Variants in SBNO2 observed in about 807,000 individuals in gnomAD.
The protein encoded by SBNO2 is strawberry notch homolog 2.
Under a neutral mutation model 146.3 loss-of-function variants are expected in SBNO2, and 89 were observed. The observed-to-expected ratio is 0.61, with a 90% CI of 0.51 to 0.73. The LOEUF is 0.73. Ranked by LOEUF, SBNO2 falls within the 30% of genes least tolerant of loss-of-function variation. SBNO2 has a pLI of 0.00. For missense variants in SBNO2, 2,092 were observed against 2,003.7 expected, an observed-to-expected ratio of 1.04 and a Z score of -0.84; for synonymous variants, 1,147 against 892.6, an observed-to-expected ratio of 1.29 and a Z score of -5.08.
intron 4 of SBNO2, chr19:1,132,230 C>T: frequency 3.1e-6 from 4 of 1,305,676 alleles, no homozygotes; most frequent in South Asian, 4.2e-5. Flanking sequence ...TTGGGTCGGC[C>T]GGGGCGGACG....
In SBNO2 at chr19:1,108,593, G is replaced by A; in HGVS notation, c.3728C>T (p.Ala1243Val). Residue 1243 changes from alanine to valine, a missense_variant, in exon 32 of 32, where the codon GCC (alanine) becomes GTC (valine). Coordinates refer to ENST00000361757, the MANE Select transcript of SBNO2 (RefSeq NM_014963.3). Reference protein sequence around the residue: ...APALGCPAPPAPRPLALPCGP... With the variant: ...APALGCPAPPVPRPLALPCGP... ...GCAAGGCAGCGCCAGCGGGCGCGGG[G>A]CGGGCGGGGCGGGGCAGCCCAGGGC... 7.6e-7 allele frequency: 1 copy of A among 1,308,152 alleles called. No homozygotes were observed. The highest frequency in any genetic ancestry group is 9.7e-7 in the Non-Finnish European group (1 of 1,033,916). 81.0% of individuals were successfully genotyped at this position (1,308,152 alleles called of 1,614,324 possible).
chr19:1,111,970 C>G, intron 23 of SBNO2, 26 bp downstream of exon 23: 1 of 1,604,988 alleles, frequency 6.2e-7, no homozygotes, highest in South Asian at 1.1e-5. Flanking sequence ...CTGCCCCGCC[C>G]CCCAACCCTG....
In SBNO2 at chr19:1,112,557, C is replaced by T; in HGVS notation, c.2380-20G>A. ...CACGAGCTAGGGGGAAAGAAGGGGCCGGGACACGGTTGGTGCAAGGCCCGC... is the reference window on the plus strand; with the variant it reads ...CACGAGCTAGGGGGAAAGAAGGGGCTGGGACACGGTTGGTGCAAGGCCCGC... On this transcript the variant is annotated intron_variant, in intron 20 of 31. Transcript: ENST00000361757. The surrounding 1 kb of genome is among the most constrained non-coding windows in gnomAD (Gnocchi z 5.9). 1.3e-6 allele frequency: 2 copies of T among 1,585,314 alleles called. No homozygotes were observed. Among genetic ancestry groups the T allele is most frequent in the Non-Finnish European group, 1.7e-6 (2 of 1,171,770 alleles).
Position 1,144,022 on chromosome 19 carries a change from G to GGCTGC in SBNO2, c.279+3282_279+3286dup, listed in dbSNP as rs2080163544. ...GAGCAGAGGCTTCCGTGGCTGGCTG[G>GGCTGC]GCTGCGCTGGGGGGCACGGCGCAAA... On this transcript the variant is annotated intron_variant, in intron 4 of 31. Coordinates refer to ENST00000361757, the MANE Select transcript of SBNO2 (RefSeq NM_014963.3). This position sits in a 1 kb window ranked among gnomAD's most constrained non-coding sequence, Gnocchi z 4.1. Among the ~76,000 whole-genome samples the GGCTGC allele has an allele frequency of 6.6e-6, 1 of 152,200 alleles. No homozygotes were observed. The highest frequency in any genetic ancestry group is 6.5e-5 in the Admixed American group (1 of 15,274).
Position 1,114,341 on chromosome 19 carries a change from C to A in SBNO2, c.1967G>T (p.Ser656Ile). ...GTCCAGGCCAGGGTCCGACTCCGTG[C>A]TGCTGTCGTCACTGATGCGGATGAC... ...AGVIRISDDS[S>I]TESDPGLDSD... The change falls in exon 18 of 32, where the codon AGC becomes ATC. Residue 656 changes from serine (S) to isoleucine (I), a missense_variant. Ser to Ile is a moderately radical substitution (Grantham distance 142). Coordinates refer to ENST00000361757, the MANE Select transcript of SBNO2 (RefSeq NM_014963.3). 1 of 1,557,202 alleles carries A rather than the reference C, an allele frequency of 6.4e-7. No individual in the cohort carries two copies. The highest frequency in any genetic ancestry group is 2.4e-5 in the East Asian group (1 of 41,336).
chr19:1,173,582 G>A lies in SBNO2; in HGVS notation c.-127+590C>T, dbSNP rs1196262235. On this transcript the variant is annotated intron_variant, in intron 1 of 31. Transcript: ENST00000361757. The surrounding 1 kb of genome is among the most constrained non-coding windows in gnomAD (Gnocchi z 4.7). ...GCAAGGGTCCTGGGACCGGGGACAAGGAGGAGGAAGGGGCACGAACGCCCG... is the reference window on the plus strand; with the variant it reads ...GCAAGGGTCCTGGGACCGGGGACAAAGAGGAGGAAGGGGCACGAACGCCCG... The A allele has an allele frequency of 6.6e-6, 1 of 152,548 alleles. No homozygotes were observed. Among genetic ancestry groups the A allele is most frequent in the Non-Finnish European group, 1.5e-5 (1 of 68,294 alleles). 9.4% of individuals were successfully genotyped at this position (152,548 alleles called of 1,614,324 possible). A position where few individuals can be genotyped will look rare whatever the true frequency, so the allele number is the denominator to read the frequency against.
At position 1,157,557 on chromosome 19, in the gene SBNO2, C is replaced by T. The variant is rs1426367815; in HGVS notation, c.-126-3155G>A. ...CGCGAGTCCCATGACTGGAGGGATG[C>T]GTGGTGTGGGGGTTGGGGGGGCGGG... On this transcript the variant is annotated intron_variant, in intron 1 of 31. Transcript: ENST00000361757. The surrounding 1 kb of genome is among the most constrained non-coding windows in gnomAD (Gnocchi z 6.8). 2.2e-5 allele frequency among the ~76,000 whole-genome samples: 3 copies of T among 135,024 alleles called. No homozygotes were observed. The highest frequency in any genetic ancestry group is 3.2e-5 in the Non-Finnish European group (2 of 62,542). 88.6% of individuals were successfully genotyped at this position (135,024 alleles called of 152,430 possible).
chr19:1,164,621 GAAC>G (rs1275606121), intron 1 of SBNO2, among the ~76,000 whole-genome samples: 31 of 120,338 alleles, frequency 2.6e-4, no homozygotes, highest in African/African-American at 2.9e-4. Context: ...GGAGGAGGAG[GAAC>G]AGGAGGAGGA....
chr19:1,149,537 A>C, intron 2 of SBNO2, 95 bp from the exon 3 acceptor site: 1 of 1,172,180 alleles, frequency 8.5e-7, no homozygotes, highest in Non-Finnish European at 1.2e-6. Context: ...CCGAGAGGCT[A>C]GGGAGGCCCC....
chr19:1,111,849 C>A, intron 23 of SBNO2, 147 bp downstream of exon 23: 2 of 865,440 alleles, frequency 2.3e-6, no homozygotes, highest in South Asian at 1.7e-5. Flanking sequence ...CCCTTCCCCC[C>A]TGGGGGTCCT....
At position 1,136,472 on chromosome 19, in the gene SBNO2, C is replaced by T. The variant is rs970688678; in HGVS notation, c.280-8707G>A. On this transcript the variant is annotated intron_variant, in intron 4 of 31. Coordinates refer to ENST00000361757, the MANE Select transcript of SBNO2 (RefSeq NM_014963.3). The surrounding 1 kb of genome is among the most constrained non-coding windows in gnomAD (Gnocchi z 4.2). ...CTCCCTCTCTAAGGCTGTCTGTGGGCGGCTCTGCCGGCCCCTCCTGCACCT... is the reference window on the plus strand; with the variant it reads ...CTCCCTCTCTAAGGCTGTCTGTGGGTGGCTCTGCCGGCCCCTCCTGCACCT... 7.9e-5 allele frequency among the ~76,000 whole-genome samples: 12 copies of T among 152,204 alleles called. No homozygotes were observed. Among genetic ancestry groups the T allele is most frequent in the African/African-American group, 2.2e-4 (9 of 41,452 alleles).
chr19:1,132,109 T>C, intron 4 of SBNO2: 1 of 1,538,892 alleles, frequency 6.5e-7, no homozygotes, highest in Non-Finnish European at 8.7e-7. Context: ...AGCCTCAAAC[T>C]GCAGCCACAG....
intron 1 of SBNO2, among the ~76,000 whole-genome samples, chr19:1,164,157 C>T (rs2080378240): frequency 6.6e-6 from 1 of 152,050 alleles, no homozygotes; most frequent in South Asian, 2.1e-4. Context: ...GAGGGAAGCC[C>T]CTGCCCATGG....
At chr19:1,155,323 C>T (rs1374918705) in intron 1 of SBNO2, among the ~76,000 whole-genome samples, 1 of 152,170 alleles carries the variant, frequency 6.6e-6, no homozygotes, top group Non-Finnish European at 1.5e-5. Context: ...AGACAGTGGC[C>T]GGGCAACAGG....
chr19:1,108,843 G>A lies in SBNO2; in HGVS notation c.3552C>T (p.Asp1184=), dbSNP rs778267107. The change falls in exon 31 of 32, where the codon GAC becomes GAT. Residue 1184 remains aspartate, a synonymous_variant. Transcript: ENST00000361757. Reference sequence around the variant, plus strand: ...TCTGCAGGTAGCTGCTGCTGCTGACGTCGGCCATGACGGCGGCGATGCGGC... The same window carrying A: ...TCTGCAGGTAGCTGCTGCTGCTGACATCGGCCATGACGGCGGCGATGCGGC... ...VWGRIAAVMA[D]VSSSSYLQIV... is the part of the protein sequence containing the mutation. 1.9e-5 allele frequency: 30 copies of A among 1,600,008 alleles called. No individual in the cohort carries two copies. Among genetic ancestry groups the A allele is most frequent in the Non-Finnish European group, 2.3e-5 (27 of 1,178,438 alleles).
In SBNO2 at chr19:1,124,859, G is replaced by A. The variant is rs1198837442; in HGVS notation, c.442-837C>T. ...CCAGGGGTCTCCGAACTGACTGGGCGTGTAAAGCCTGTGAACGGGTGGGTC... is the reference window on the plus strand; with the variant it reads ...CCAGGGGTCTCCGAACTGACTGGGCATGTAAAGCCTGTGAACGGGTGGGTC... On this transcript the variant is annotated intron_variant, in intron 5 of 31. Coordinates refer to ENST00000361757, the MANE Select transcript of SBNO2 (RefSeq NM_014963.3). 3.9e-5 allele frequency among the ~76,000 whole-genome samples: 6 copies of A among 152,226 alleles called. No individual in the cohort carries two copies. The South Asian group carries it at 8.3e-4, about 21-fold the overall frequency.
At chr19:1,120,648 G>C (rs1425013840) in intron 11 of SBNO2, among the ~76,000 whole-genome samples, 2 of 151,498 alleles carry the variant, frequency 1.3e-5, no homozygotes, top group Non-Finnish European at 3.0e-5. Flanking sequence ...TGGGATTACA[G>C]GTGTGAGCCG....
rs371259465 is a variant in SBNO2, at chr19:1,122,294, C to G, written c.1006-12G>C. On this transcript the variant is annotated splice_polypyrimidine_tract_variant and intron_variant, in intron 10 of 31. Transcript: ENST00000361757. Reference sequence around the variant, plus strand: ...TCACCGTACTTGATCTGGGGATGCACAGAACAGGTGTGGAATGGGGCCCCG... The same window carrying G: ...TCACCGTACTTGATCTGGGGATGCAGAGAACAGGTGTGGAATGGGGCCCCG... 9 of 1,553,912 alleles carry G rather than the reference C, an allele frequency of 5.8e-6. No individual in the cohort carries two copies. In the African/African-American group the frequency reaches 1.2e-4, roughly 21 times the overall value.
intron 19 of SBNO2, 91 bp downstream of exon 19, chr19:1,113,444 A>G: frequency 8.7e-7 from 1 of 1,144,252 alleles, no homozygotes. Flanking sequence ...AGTGACCAGC[A>G]GGGGCCACCA....
Sources: gnomAD v4.1 joint callset for allele counts (sites outside exome capture counted in the v4.1 genomes callset) on GRCh38, gnomAD v4.1.1 for gene constraint, Gnocchi (gnomAD v3.1) non-coding constraint, MANE v1.5 for transcripts, NCBI Gene and HGNC (gene_info 2026-07-23, HGNC 2026-07-21) for gene names.